ZNF554: variants seen among roughly 807,000 people sequenced by gnomAD.
ZNF554 encodes zinc finger protein 554.
ZNF554 carries 15 observed loss-of-function variants against 21.2 expected under a neutral mutation model. The ratio of observed to expected loss-of-function variants is 0.71; its 90% CI spans 0.47 to 1.09. The LOEUF is 1.09. Among genes scored for constraint, ZNF554 ranks in the 50% least tolerant of loss-of-function variants. ZNF554 has a pLI of 0.00. For synonymous variants in ZNF554, 258 were observed against 251.4 expected, an observed-to-expected ratio of 1.03 and a Z score of -0.25; for missense variants, 691 against 662.7, an observed-to-expected ratio of 1.04 and a Z score of -0.47.
chr19:2,828,174 A>G (rs1198367888), intron 3 of ZNF554, among the ~76,000 whole-genome samples: 1 of 152,172 alleles, frequency 6.6e-6, no homozygotes, highest in Non-Finnish European at 1.5e-5. Flanking sequence ...TGTGTCTGGC[A>G]CCATGCTGGG....
chr19:2,829,812 A>G lies in ZNF554; in HGVS notation c.253+2069A>G, dbSNP rs532040206. Among the ~76,000 whole-genome samples, 5 of 152,202 alleles carry G rather than the reference A, an allele frequency of 3.3e-5. No individual in the cohort carries two copies. The South Asian group carries it at 6.2e-4, about 19-fold the overall frequency. On this transcript the variant is annotated intron_variant, in intron 3 of 4. Coordinates refer to ENST00000317243, the MANE Select transcript of ZNF554 (RefSeq NM_001102651.2). Reference sequence around the variant, plus strand: ...ACAACTGTCCATTTCCAGAACTTTTATCCTCAACCAAAACTCTGTACCCGT... The same window carrying G: ...ACAACTGTCCATTTCCAGAACTTTTGTCCTCAACCAAAACTCTGTACCCGT...
At chr19:2,831,450 A>G (rs1401320455) in intron 3 of ZNF554, 2 of 151,496 alleles carry the variant, frequency 1.3e-5, no homozygotes, top group Non-Finnish European at 2.9e-5. Context: ...GCCTGCCACC[A>G]CACCCGGCTA....
rs1599545191 is a variant in ZNF554 at position 2,825,057 on chromosome 19, G to T, written c.126+1945G>T. 2.8e-5 allele frequency among the ~76,000 whole-genome samples: 4 copies of T among 144,062 alleles called. No homozygotes were observed. The Admixed American group carries it at 2.8e-4, about 10-fold the overall frequency. The allele number at this position is 144,062 out of a possible 152,430, so 94.5% of individuals were successfully genotyped here. On this transcript the variant is annotated intron_variant, in intron 2 of 4. Transcript: ENST00000317243. ...AGACAAGGTCTTGCTCTGTTGCACA[G>T]GTTGGAGTGCAGTGGCGCGATCTTG...
chr19:2,832,398 G>C lies in ZNF554; in HGVS notation c.349G>C (p.Gly117Arg). 1 of 1,614,128 alleles carries C rather than the reference G, an allele frequency of 6.2e-7. No homozygotes were observed. The highest frequency in any genetic ancestry group is 8.5e-7 in the Non-Finnish European group (1 of 1,180,026). The change falls in exon 4 of 5, where the codon GGG (glycine) becomes CGG (arginine). Residue 117 changes from glycine to arginine, a missense_variant. Transcript: ENST00000317243. ...AGTCACTAGTCTTTCCTCATGGACGGGGTATTTACTTTTTCAACCAGTGGC... is the reference window on the plus strand; with the variant it reads ...AGTCACTAGTCTTTCCTCATGGACGCGGTATTTACTTTTTCAACCAGTGGC... ...SQVTSLSSWT[G>R]YLLFQPVASS...
intron 2 of ZNF554, among the ~76,000 whole-genome samples, chr19:2,825,000 GTTGTTTTTTTTTTTTTT>G (rs2087311633): frequency 8.7e-6 from 1 of 114,914 alleles, no homozygotes; most frequent in East Asian, 3.4e-4. Context: ...CGTGATTGCA[GTTGTTTTTTTTTTTTTT>G]TTTTTTTTTT....
chr19:2,823,589 G>A (rs935084079), intron 2 of ZNF554, among the ~76,000 whole-genome samples: 4 of 152,108 alleles, frequency 2.6e-5, no homozygotes, highest in East Asian at 1.9e-4. Context: ...CAAGTCATTC[G>A]GACGTCTCTG....
At position 2,834,572 on chromosome 19, in the gene ZNF554, G is replaced by A. The variant is rs904024074; in HGVS notation, c.1337G>A (p.Ser446Asn). 1.9e-6 allele frequency: 3 copies of A among 1,614,132 alleles called. No homozygotes were observed. Among genetic ancestry groups the A allele is most frequent in the South Asian group, 1.1e-5 (1 of 91,084 alleles). ...YECSECGKAF[S>N]DRSSLNQHER... ...TGCAGTGAATGTGGAAAGGCCTTCA[G>A]TGACCGTTCCTCTCTCAACCAGCAC... Residue 446 changes from serine (S) to asparagine (N), a missense_variant, in exon 5 of 5, where the codon AGT (serine) becomes AAT (asparagine). By Grantham distance (46) the Ser-to-Asn change is conservative. Transcript: ENST00000317243.
chr19:2,832,073 G>C (rs527712813), intron 3 of ZNF554: 41 of 318,608 alleles, frequency 1.3e-4, no homozygotes, highest in African/African-American at 8.4e-4. Flanking sequence ...TTACAGGCAT[G>C]CACCACCACG....
intron 1 of ZNF554, among the ~76,000 whole-genome samples, chr19:2,820,621 CCT>C (rs1234547107): frequency 1.9e-4 from 28 of 151,122 alleles, no homozygotes. Flanking sequence ...TCCACAGCGC[CCT>C]GAGGGAGAGA....
At position 2,821,159 on chromosome 19, in the gene ZNF554, G is replaced by A. The variant is rs1335713413; in HGVS notation, c.53+1035G>A. ...GGCTGGAGTGCAGTTGCACGATCTC[G>A]GCTCACTGCATCCACCTCGTGGGTT... On this transcript the variant is annotated intron_variant, in intron 1 of 4. Coordinates refer to ENST00000317243, the MANE Select transcript of ZNF554 (RefSeq NM_001102651.2). This position sits in a 1 kb window ranked among gnomAD's most constrained non-coding sequence, Gnocchi z 8.2. Among the ~76,000 whole-genome samples the A allele has an allele frequency of 2.0e-5, 3 of 150,736 alleles. No homozygotes were observed. Among genetic ancestry groups the A allele is most frequent in the East Asian group, 2.0e-4 (1 of 5,068 alleles).
rs1380456657 is a variant in ZNF554, at chr19:2,834,314, C to A, written c.1079C>A (p.Ala360Asp). ...KPYECQECGRAFTHSSTLTRH... is the reference protein window; with the variant it reads ...KPYECQECGRDFTHSSTLTRH... ...TACGAGTGTCAGGAGTGTGGGCGAG[C>A]CTTTACGCACAGCTCCACCCTCACG... Residue 360 changes from alanine (A) to aspartate (D), a missense_variant, in exon 5 of 5, where the codon GCC becomes GAC. Ala to Asp is a moderately radical substitution (Grantham distance 126). Transcript: ENST00000317243. The A allele has an allele frequency of 1.2e-6, 2 of 1,614,034 alleles. No homozygotes were observed. The highest frequency in any genetic ancestry group is 2.2e-5 in the South Asian group (2 of 91,080).
At chr19:2,833,602 AG>A (rs2087449066) in intron 4 of ZNF554, 78 bp from the exon 5 acceptor site, 9 of 1,247,790 alleles carry the variant, frequency 7.2e-6, no homozygotes, top group Non-Finnish European at 1.0e-5. Context: ...TGTAGATGTC[AG>A]AAGGACTTCT....
At chr19:2,832,051 G>T (rs1409965622) in intron 3 of ZNF554, 1 of 255,358 alleles carries the variant, frequency 3.9e-6, no homozygotes. Context: ...TCAGCCTCCT[G>T]AGTAACTGGG....
chr19:2,834,658 C>G lies in ZNF554; in HGVS notation c.1423C>G (p.Gln475Glu). Reference protein sequence around the residue: ...ECKQCGRAFSQRSSLVRHERT... With the variant: ...ECKQCGRAFSERSSLVRHERT... ...TAAGCAGTGTGGGAGAGCCTTCAGC[C>G]AGAGGTCTTCCCTTGTGAGGCACGA... Residue 475 changes from glutamine (Q) to glutamate (E), a missense_variant, in exon 5 of 5, where the codon CAG (glutamine) becomes GAG (glutamate). Gln to Glu is a conservative substitution (Grantham distance 29). Coordinates refer to ENST00000317243, the MANE Select transcript of ZNF554 (RefSeq NM_001102651.2). 1 of 1,614,038 alleles carries G rather than the reference C, an allele frequency of 6.2e-7. No homozygotes were observed. The highest frequency in any genetic ancestry group is 8.5e-7 in the Non-Finnish European group (1 of 1,180,000).
At chr19:2,833,554 T>G in intron 4 of ZNF554, 127 bp from the exon 5 acceptor site, 1 of 745,686 alleles carries the variant, frequency 1.3e-6, no homozygotes, top group Non-Finnish European at 2.1e-6. Context: ...TTCCCGCATG[T>G]TCAGAGTTGA....
At chr19:2,827,181 T>A (rs1433419133) in intron 2 of ZNF554, among the ~76,000 whole-genome samples, 1 of 152,214 alleles carries the variant, frequency 6.6e-6, no homozygotes, top group Non-Finnish European at 1.5e-5. Context: ...TTGGATAAAA[T>A]TCTTCTTTCC....
At position 2,835,716 on chromosome 19, in the gene ZNF554, A is replaced by G. The variant is rs2087490561; in HGVS notation, c.*864A>G. ...ATGCTGTCATGGATGGGATCTTGCC[A>G]AGAACCATCACGTGTTAATTTAGTT... On this transcript the variant is annotated 3_prime_UTR_variant, in exon 5 of 5. Transcript: ENST00000317243. 1 of 152,258 alleles carries G rather than the reference A, an allele frequency of 6.6e-6. No individual in the cohort carries two copies. The highest frequency in any genetic ancestry group is 2.4e-5 in the African/African-American group (1 of 41,474). The allele number at this position is 152,258 out of a possible 1,614,324, so 9.4% of individuals were successfully genotyped here.
intron 1 of ZNF554, among the ~76,000 whole-genome samples, chr19:2,822,145 G>C (rs1349196676): frequency 1.3e-5 from 2 of 152,026 alleles, no homozygotes; most frequent in South Asian, 2.1e-4. Flanking sequence ...CTGTCTCCCA[G>C]GTTCAAATAA....
At chr19:2,820,977 G>T (rs1045655290) in intron 1 of ZNF554, among the ~76,000 whole-genome samples, 1 of 151,402 alleles carries the variant, frequency 6.6e-6, no homozygotes, top group African/African-American at 2.4e-5. Flanking sequence ...GGTCTATTCT[G>T]TTTATACCCA....
Sources: gnomAD v4.1 joint callset for allele counts (sites outside exome capture counted in the v4.1 genomes callset) on GRCh38, gnomAD v4.1.1 for gene constraint, Gnocchi (gnomAD v3.1) non-coding constraint, MANE v1.5 for transcripts, NCBI Gene and HGNC (gene_info 2026-07-23, HGNC 2026-07-21) for gene names.